DENND2B: variants seen among roughly 807,000 people sequenced by gnomAD.
DENND2B encodes DENN domain-containing protein 2B.
A neutral mutation model predicts 116.0 loss-of-function variants in DENND2B; 32 were observed. That is an observed-to-expected ratio of 0.28 (90% CI 0.21 to 0.37). DENND2B has a LOEUF of 0.37. Ranked by LOEUF, DENND2B falls within the 10% of genes least tolerant of loss-of-function variation. The pLI is 1.00. For synonymous variants in DENND2B, 588 were observed against 583.9 expected, an observed-to-expected ratio of 1.01 and a Z score of -0.10; for missense variants, 1,276 against 1,477.7, an observed-to-expected ratio of 0.86 and a Z score of 2.24.
In DENND2B at chr11:8,810,646, C is replaced by T. The variant is rs144619363; in HGVS notation, c.-155G>A. ...AGCTTCCCACAGCTCCTTCCTCTGA[C>T]CTTTCGTGGCGCTCCTCGCAGCCAA... On this transcript the variant is annotated 5_prime_UTR_variant, in exon 1 of 20. Transcript: ENST00000313726. 2.0e-5 allele frequency: 3 copies of T among 152,454 alleles called. No individual in the cohort carries two copies. The highest frequency in any genetic ancestry group is 6.5e-5 in the Admixed American group (1 of 15,312). The allele number at this position is 152,454 out of a possible 1,614,324, so 9.4% of individuals were successfully genotyped here.
intron 4 of DENND2B, among the ~76,000 whole-genome samples, chr11:8,826,454 G>A (rs565834271): frequency 5.9e-5 from 9 of 152,326 alleles, no homozygotes; most frequent in East Asian, 3.9e-4. Context: ...TGCTGTAACC[G>A]AAACATTAGA....
rs936332903 is a variant in DENND2B at position 8,712,841 on chromosome 11, A to G, written c.1988-106T>C. 69 of 1,209,968 alleles carry G rather than the reference A, an allele frequency of 5.7e-5. No individual in the cohort carries two copies. In the African/African-American group the frequency reaches 8.8e-4, roughly 15 times the overall value. The allele number at this position is 1,209,968 out of a possible 1,614,324, so 75.0% of individuals were successfully genotyped here. On this transcript the variant is annotated intron_variant, in intron 8 of 19. Coordinates refer to ENST00000313726, the MANE Select transcript of DENND2B (RefSeq NM_213618.2). The surrounding 1 kb of genome is among the most constrained non-coding windows in gnomAD (Gnocchi z 4.4). Reference sequence around the variant, plus strand: ...GCTGTGGAGCACTTTTAAGTACGTGAGCCTAGTCTGATACCATCCCCAGCT... The same window carrying G: ...GCTGTGGAGCACTTTTAAGTACGTGGGCCTAGTCTGATACCATCCCCAGCT...
chr11:8,706,940 T>C, intron 13 of DENND2B, 145 bp downstream of exon 13: 1 of 1,056,988 alleles, frequency 9.5e-7, no homozygotes, highest in African/African-American at 1.6e-5. Flanking sequence ...GTTTGCTCTT[T>C]TGGTCCCTAG....
At chr11:8,716,072 G>A (rs1301234991) in intron 5 of DENND2B, among the ~76,000 whole-genome samples, 3 of 152,214 alleles carry the variant, frequency 2.0e-5, no homozygotes, top group Admixed American at 1.3e-4. Flanking sequence ...AAAAACACCT[G>A]TGCTCTCATC....
chr11:8,697,572 C>T lies in DENND2B; in HGVS notation c.3005G>A (p.Arg1002Lys), dbSNP rs2040598562. Residue 1002 changes from arginine (R) to lysine (K), a missense_variant, in exon 17 of 20, where the codon AGG becomes AAG. Around this residue, in one of 2 missense-constraint regions of DENND2B, gnomAD observed 420 missense variants for 631.1 expected, o/e 0.67. Transcript: ENST00000313726. ...GTCCTGGGAGATCAGCTCATTCTTC[C>T]TCTCCAGAGCCTGCTCCAGAGCTGC... is the stretch of plus-strand genomic sequence containing the variant. Reference protein sequence around the residue: ...LQAALEQALERKNELISQDSD... With the variant: ...LQAALEQALEKKNELISQDSD... 4 of 1,614,244 alleles carry T rather than the reference C, an allele frequency of 2.5e-6. No individual in the cohort carries two copies. The Middle Eastern group carries it at 4.9e-4, about 200-fold the overall frequency.
At chr11:8,862,096 A>G (rs1333348192) in intron 2 of DENND2B, among the ~76,000 whole-genome samples, 2 of 152,280 alleles carry the variant, frequency 1.3e-5, no homozygotes, top group African/African-American at 4.8e-5. Context: ...TACCATGTAC[A>G]CTACTCAGGT....
intron 1 of DENND2B, among the ~76,000 whole-genome samples, chr11:8,797,115 A>G (rs2059883573): frequency 6.6e-6 from 1 of 152,246 alleles, no homozygotes; most frequent in South Asian, 2.1e-4. Context: ...GGAATCAAAC[A>G]GCCTTAGATT....
At chr11:8,750,894 A>G (rs1745088699) in intron 1 of DENND2B, among the ~76,000 whole-genome samples, 169 bp from the exon 2 acceptor site, 2 of 152,212 alleles carry the variant, frequency 1.3e-5, no homozygotes, top group African/African-American at 4.8e-5. Flanking sequence ...AGAGACCCCA[A>G]GAAACCCCTG....
upstream of DENND2B, among the ~76,000 whole-genome samples, chr11:8,876,071 A>C (rs1463337063): frequency 1.3e-5 from 2 of 152,206 alleles, no homozygotes; most frequent in African/African-American, 4.8e-5. Flanking sequence ...GTTATTAATC[A>C]AGATCTTAAG....
chr11:8,776,279 TG>T (rs1274175183), intron 1 of DENND2B: 21 of 454,572 alleles, frequency 4.6e-5, no homozygotes, highest in Admixed American at 4.0e-4. Context: ...ACTGGCAGCC[TG>T]GAGTGCTCTC....
intron 1 of DENND2B, among the ~76,000 whole-genome samples, chr11:8,751,525 C>T (rs1382846901): frequency 1.3e-5 from 2 of 152,092 alleles, no homozygotes; most frequent in African/African-American, 2.4e-5. Context: ...ACACTCACTG[C>T]GAAGGTCTGC....
chr11:8,893,597 C>T (rs1369530800), intron 1 of DENND2B, among the ~76,000 whole-genome samples: 6 of 152,124 alleles, frequency 3.9e-5, no homozygotes, highest in South Asian at 4.1e-4. Flanking sequence ...TTCTTATACA[C>T]CAATAACAGA....
At chr11:8,900,284 T>A (rs932597539) in intron 1 of DENND2B, among the ~76,000 whole-genome samples, 1 of 135,474 alleles carries the variant, frequency 7.4e-6, no homozygotes, top group South Asian at 2.5e-4. Flanking sequence ...AAAAAAAAAA[T>A]TAGCTGGGTG....
At chr11:8,703,595 T>G (rs1262158908) in intron 13 of DENND2B, 1 of 152,348 alleles carries the variant, frequency 6.6e-6, no homozygotes, top group African/African-American at 2.4e-5. Flanking sequence ...AGCATAGATG[T>G]GCAGGCCTCC....
At chr11:8,798,319 C>CA (rs2134388128) in intron 1 of DENND2B, among the ~76,000 whole-genome samples, 2 of 152,292 alleles carry the variant, frequency 1.3e-5, no homozygotes, top group South Asian at 4.1e-4. Flanking sequence ...GCAAGAGAGG[C>CA]AGAGTTAGAT....
At position 8,711,047 on chromosome 11, in the gene DENND2B, C is replaced by T. The variant is rs890266824; in HGVS notation, c.2282+75G>A. Reference sequence around the variant, plus strand: ...TAGGAGAGGATGAGACTAGAGCAGGCCCCACTCAGGTGCCCACGCTATGGG... The same window carrying T: ...TAGGAGAGGATGAGACTAGAGCAGGTCCCACTCAGGTGCCCACGCTATGGG... On this transcript the variant is annotated intron_variant, in intron 10 of 19. Coordinates refer to ENST00000313726, the MANE Select transcript of DENND2B (RefSeq NM_213618.2). 4.1e-5 allele frequency: 64 copies of T among 1,567,302 alleles called. 2 individuals carry two copies. In the South Asian group the frequency reaches 5.9e-4, roughly 14 times the overall value.
intron 4 of DENND2B, among the ~76,000 whole-genome samples, chr11:8,722,349 T>G (rs184764244): frequency 1.3e-5 from 2 of 152,306 alleles, no homozygotes; most frequent in East Asian, 3.9e-4. Flanking sequence ...AAGATGGAGA[T>G]GAGCACTAGG....
intron 2 of DENND2B, among the ~76,000 whole-genome samples, chr11:8,868,447 C>T (rs932260537): frequency 7.2e-5 from 11 of 152,232 alleles, no homozygotes; most frequent in Non-Finnish European, 1.2e-4. Flanking sequence ...AACCTGACCA[C>T]AGTTCGGCTT....
intron 4 of DENND2B, among the ~76,000 whole-genome samples, chr11:8,823,051 T>C (rs536840168): frequency 1.3e-5 from 2 of 152,194 alleles, no homozygotes; most frequent in East Asian, 3.9e-4. Context: ...AGATAATACA[T>C]GTAAAACACT....
Sources: allele counts gnomAD v4.1 joint callset (sites outside exome capture counted in the v4.1 genomes callset), GRCh38; gene constraint gnomAD v4.1.1; regional missense constraint gnomAD v4.1.1; non-coding constraint Gnocchi (gnomAD v3.1); transcripts MANE v1.5; gene names NCBI Gene and HGNC (gene_info 2026-07-23, HGNC 2026-07-21).